VPS13B: variants seen among roughly 807,000 people sequenced by gnomAD.
VPS13B encodes the protein vacuolar protein sorting 13 homolog B, also known as intermembrane lipid transfer protein VPS13B.
A neutral mutation model predicts 426.4 loss-of-function variants in VPS13B; 285 were observed. The ratio of observed to expected loss-of-function variants is 0.67; its 90% CI spans 0.61 to 0.74. The LOEUF (loss-of-function observed/expected upper bound fraction) is 0.74. Among genes scored for constraint, VPS13B ranks in the 30% least tolerant of loss-of-function variants. VPS13B has a pLI of 0.00. For missense variants in VPS13B, 4,537 were observed against 4,782.6 expected (o/e 0.95, Z 1.51); for synonymous variants, 1,676 against 1,676.4 (o/e 1.00, Z 0.01).
At chr8:99,750,721 T>C (rs1029790182) in intron 39 of VPS13B, among the ~76,000 whole-genome samples, 27 of 152,094 alleles carry the variant, frequency 1.8e-4, no homozygotes, top group African/African-American at 6.3e-4. Context: ...TGTGCACAGA[T>C]ATGCACAGAT....
At chr8:99,713,494 C>T (rs554142236) in intron 36 of VPS13B, among the ~76,000 whole-genome samples, 19 of 152,088 alleles carry the variant, frequency 1.2e-4, no homozygotes, top group African/African-American at 2.4e-4. Context: ...ATAAGGAAGG[C>T]GAGAAGACTA....
intron 40 of VPS13B, among the ~76,000 whole-genome samples, chr8:99,772,327 G>C (rs1245493648): frequency 6.6e-6 from 1 of 151,884 alleles, no homozygotes; most frequent in Non-Finnish European, 1.5e-5. Context: ...GTTACAACTG[G>C]AATTTTTTTA....
chr8:99,552,393 GTGCTTTTACTTT>G (rs1222459141), intron 30 of VPS13B, among the ~76,000 whole-genome samples: 1 of 152,000 alleles, frequency 6.6e-6, no homozygotes, highest in African/African-American at 2.4e-5. Context: ...CCAAGAGACT[GTGCTTTTACTTT>G]TGCCTTTACA....
chr8:99,831,175 C>T (rs1225028218), intron 51 of VPS13B, among the ~76,000 whole-genome samples: 3 of 150,774 alleles, frequency 2.0e-5, no homozygotes, highest in Non-Finnish European at 2.9e-5. Flanking sequence ...TGGGTTCAAG[C>T]GATTCTCCTG....
At chr8:99,832,953 C>G (rs1029206818) in intron 52 of VPS13B, among the ~76,000 whole-genome samples, 2 of 152,040 alleles carry the variant, frequency 1.3e-5, no homozygotes, top group Admixed American at 6.6e-5. Context: ...CAAATAGCAT[C>G]GTATGAAAAG....
intron 25 of VPS13B, 39 bp downstream of exon 25, chr8:99,481,841 A>G (rs374668023): frequency 3.4e-4 from 548 of 1,602,594 alleles, no homozygotes; most frequent in Non-Finnish European, 4.6e-4. Flanking sequence ...AATGAAGGTT[A>G]ATATATAACA....
At chr8:99,195,986 T>C (rs1328389358) in intron 17 of VPS13B, among the ~76,000 whole-genome samples, 1 of 152,220 alleles carries the variant, frequency 6.6e-6, no homozygotes, top group East Asian at 1.9e-4. Flanking sequence ...TCAGATAGTG[T>C]GATTTCTTCA....
chr8:99,078,406 A>G (rs368483906), intron 3 of VPS13B, among the ~76,000 whole-genome samples: 4 of 150,352 alleles, frequency 2.7e-5, no homozygotes, highest in African/African-American at 9.8e-5. Flanking sequence ...TATAGTCTGC[A>G]TGATTTCTTT....
intron 21 of VPS13B, among the ~76,000 whole-genome samples, chr8:99,423,434 T>TTC (rs1554781890): frequency 1.3e-5 from 2 of 148,850 alleles, no homozygotes; most frequent in Admixed American, 1.3e-4. Context: ...TTTTTTTTTT[T>TTC]TTTTTGTATT....
chr8:99,869,480 G>A (rs974072377), intron 59 of VPS13B, among the ~76,000 whole-genome samples: 9 of 152,092 alleles, frequency 5.9e-5, no homozygotes, highest in Non-Finnish European at 8.8e-5. Flanking sequence ...CCACACAGAC[G>A]CCAGCATGTG....
intron 22 of VPS13B, 56 bp downstream of exon 22, chr8:99,431,720 C>T (rs1588372690): frequency 6.4e-7 from 1 of 1,555,548 alleles, no homozygotes; most frequent in Admixed American, 1.7e-5. Context: ...TTTTTAATTC[C>T]CAGCATTGTT....
intron 19 of VPS13B, among the ~76,000 whole-genome samples, chr8:99,369,418 T>C (rs1372948657): frequency 6.6e-6 from 1 of 152,052 alleles, no homozygotes; most frequent in Non-Finnish European, 1.5e-5. Context: ...GGCATAGGAG[T>C]AGAGAACACC....
intron 30 of VPS13B, among the ~76,000 whole-genome samples, chr8:99,539,699 C>T (rs1053890005): frequency 1.3e-5 from 2 of 151,972 alleles, no homozygotes; most frequent in African/African-American, 4.8e-5. Flanking sequence ...GATCATGCCA[C>T]TGCACTCCAA....
intron 17 of VPS13B, chr8:99,234,165 TCATC>T (rs1816512338): frequency 5.1e-6 from 4 of 780,364 alleles, no homozygotes; most frequent in Non-Finnish European, 9.5e-6. Flanking sequence ...GCTCACCTCT[TCATC>T]CAGGATGTAG....
At chr8:99,134,890 T>C in intron 9 of VPS13B, 125 bp from the exon 10 acceptor site, 1 of 1,267,106 alleles carries the variant, frequency 7.9e-7, no homozygotes, top group Non-Finnish European at 1.1e-6. Flanking sequence ...ATAAATAGTA[T>C]AGAATAAATT....
intron 13 of VPS13B, 134 bp downstream of exon 13, chr8:99,143,299 C>T: frequency 9.3e-7 from 1 of 1,071,128 alleles, no homozygotes. Flanking sequence ...ATATATGTAG[C>T]TGTTTATTTA....
At position 99,373,110 on chromosome 8, in the gene VPS13B, A is replaced by G. The variant is rs77297748; in HGVS notation, c.2825-11098A>G. Among the ~76,000 whole-genome samples the G allele has an allele frequency of 5.0e-3, 756 of 152,330 alleles. 6 individuals are homozygous for G. Among genetic ancestry groups the G allele is most frequent in the African/African-American group, 0.017 (706 of 41,586 alleles). On this transcript the variant is annotated intron_variant, in intron 19 of 61. Transcript: ENST00000357162. ...ATTCTCACTCATAAGTGGGAGTTGAAAAATGAGAACACATGGACATGGAGG... is the reference window on the plus strand; with the variant it reads ...ATTCTCACTCATAAGTGGGAGTTGAGAAATGAGAACACATGGACATGGAGG...
chr8:99,856,121 G>A (rs1175955477), intron 56 of VPS13B, among the ~76,000 whole-genome samples: 5 of 152,188 alleles, frequency 3.3e-5, no homozygotes, highest in Admixed American at 2.0e-4. Flanking sequence ...TGCTAAAAAC[G>A]AGCTCTCTTT....
At chr8:99,867,237 C>G (rs1249268304) in intron 58 of VPS13B, among the ~76,000 whole-genome samples, 1 of 151,778 alleles carries the variant, frequency 6.6e-6, no homozygotes, top group East Asian at 1.9e-4. Context: ...ATAGGGAGCC[C>G]TCCACTCCAT....
Sources: gnomAD v4.1 joint callset for allele counts (sites outside exome capture counted in the v4.1 genomes callset) on GRCh38, gnomAD v4.1.1 for gene constraint, MANE v1.5 for transcripts, NCBI Gene and HGNC (gene_info 2026-07-23, HGNC 2026-07-21) for gene names.